The following TENM4 variants were observed in gnomAD, a reference collection of about 807,000 sequenced individuals.
TENM4 encodes the protein teneurin-4.
A neutral mutation model predicts 243.3 loss-of-function variants in TENM4; 82 were observed. That is an observed-to-expected ratio of 0.34 (90% CI 0.28 to 0.40). The LOEUF (loss-of-function observed/expected upper bound fraction) is 0.40, where lower values mean the gene tolerates loss of function less well. Among genes scored for constraint, TENM4 ranks in the 10% least tolerant of loss-of-function variants. The pLI is 1.00. For missense variants in TENM4, 3,138 were observed against 3,673.3 expected, an observed-to-expected ratio of 0.85 and a Z score of 3.77; for synonymous variants, 1,412 against 1,456.3, an observed-to-expected ratio of 0.97 and a Z score of 0.69.
intron 3 of TENM4, among the ~76,000 whole-genome samples, chr11:79,163,837 AT>A (rs1407574104): frequency 6.8e-6 from 1 of 146,486 alleles, no homozygotes; most frequent in East Asian, 2.0e-4. Context: ...GTGTACATAT[AT>A]ATTATATATA....
intron 4 of TENM4, among the ~76,000 whole-genome samples, chr11:79,084,805 T>C (rs1860766020): frequency 6.6e-6 from 1 of 152,086 alleles, no homozygotes; most frequent in Non-Finnish European, 1.5e-5. Context: ...CTGCATATAC[T>C]CACCTACACA....
chr11:78,822,690 AACCTGCAC>A, intron 12 of TENM4, among the ~76,000 whole-genome samples: 1 of 152,308 alleles, frequency 6.6e-6, no homozygotes, highest in East Asian at 1.9e-4. Context: ...CTATGTAACA[AACCTGCAC>A]GTCATGCACA....
intron 12 of TENM4, among the ~76,000 whole-genome samples, chr11:78,815,025 T>TA (rs1857574835): frequency 6.6e-6 from 1 of 152,162 alleles, no homozygotes; most frequent in African/African-American, 2.4e-5. Flanking sequence ...TCACTCTCCT[T>TA]AAAACCCTTC....
At position 79,015,849 on chromosome 11, in the gene TENM4, C is replaced by T. The variant is rs117822995; in HGVS notation, c.493+48889G>A. ...CTCTGTCAGGTATAAATAAGTAGGACGCCTTGAGAGAGGATACCAAGGCAT... is the reference window on the plus strand; with the variant it reads ...CTCTGTCAGGTATAAATAAGTAGGATGCCTTGAGAGAGGATACCAAGGCAT... On this transcript the variant is annotated intron_variant, in intron 6 of 33. Coordinates refer to ENST00000278550, the MANE Select transcript of TENM4 (RefSeq NM_001098816.3). Among the ~76,000 whole-genome samples, 1,221 of 152,252 alleles carry T rather than the reference C, an allele frequency of 8.0e-3. 6 individuals carry two copies. Among genetic ancestry groups the T allele is most frequent in the Non-Finnish European group, 0.012 (845 of 68,020 alleles).
intron 4 of TENM4, chr11:79,096,543 T>C (rs12805956): frequency 0.18 from 21,669 of 119,216 alleles, 1,854 homozygotes; most frequent in Middle Eastern, 0.49. Context: ...ACAGCAGCAA[T>C]TCTCCCCTTC....
At chr11:78,915,215 T>G (rs1471046425) in intron 6 of TENM4, among the ~76,000 whole-genome samples, 1 of 152,228 alleles carries the variant, frequency 6.6e-6, no homozygotes, top group Admixed American at 6.5e-5. Flanking sequence ...TTCACACCTT[T>G]GCCTGGTTAA....
intron 2 of TENM4, among the ~76,000 whole-genome samples, chr11:79,218,656 G>A (rs1189407555): frequency 1.3e-5 from 2 of 152,064 alleles, no homozygotes; most frequent in South Asian, 4.2e-4. Flanking sequence ...CCTTGCCAAG[G>A]CTTCAGGGAA....
chr11:79,428,061 C>G (rs1184356653), intron 1 of TENM4, among the ~76,000 whole-genome samples: 1 of 152,172 alleles, frequency 6.6e-6, no homozygotes, highest in African/African-American at 2.4e-5. Flanking sequence ...GGAAGGAAGA[C>G]CAAGGTCTTA....
intron 25 of TENM4, among the ~76,000 whole-genome samples, chr11:78,715,461 C>G (rs1241379062): frequency 2.0e-5 from 3 of 152,178 alleles, no homozygotes; most frequent in African/African-American, 7.2e-5. Flanking sequence ...GCTCCTGTCT[C>G]CCTGCACTGC....
At chr11:78,717,960 G>A (rs1859559514) in intron 25 of TENM4, among the ~76,000 whole-genome samples, 2 of 152,148 alleles carry the variant, frequency 1.3e-5, no homozygotes, top group African/African-American at 4.8e-5. Context: ...ATGGGTTTCT[G>A]TACTGAGCAT....
chr11:79,149,703 C>G (rs1862464765), intron 3 of TENM4, among the ~76,000 whole-genome samples: 1 of 152,106 alleles, frequency 6.6e-6, no homozygotes, highest in African/African-American at 2.4e-5. Flanking sequence ...TTTATATGTG[C>G]TTAGAAAGAG....
intron 1 of TENM4, among the ~76,000 whole-genome samples, chr11:79,364,726 T>G (rs1857647223): frequency 6.6e-6 from 1 of 152,204 alleles, no homozygotes; most frequent in Non-Finnish European, 1.5e-5. Flanking sequence ...AGGCCCCAAG[T>G]TACACATCTG....
At chr11:78,704,824 T>C (rs1859203216) in intron 27 of TENM4, among the ~76,000 whole-genome samples, 1 of 152,178 alleles carries the variant, frequency 6.6e-6, no homozygotes, top group South Asian at 2.1e-4. Context: ...CCCAATACAT[T>C]ATATACACAC....
At chr11:78,719,432 A>G (rs1859595605) in intron 25 of TENM4, among the ~76,000 whole-genome samples, 1 of 152,204 alleles carries the variant, frequency 6.6e-6, no homozygotes, top group African/African-American at 2.4e-5. Flanking sequence ...AACACATACA[A>G]TTATTACATG....
chr11:78,799,597 ATT>A (rs1857238390), intron 15 of TENM4, among the ~76,000 whole-genome samples: 1 of 152,262 alleles, frequency 6.6e-6, no homozygotes. Context: ...GGCAGGTGTC[ATT>A]AGCCATAGTC....
intron 5 of TENM4, chr11:79,068,260 A>G (rs887729058): frequency 1.3e-5 from 2 of 152,224 alleles, no homozygotes; most frequent in African/African-American, 4.8e-5. Context: ...GTTCTCATCA[A>G]TCCTCACCAC....
intron 2 of TENM4, among the ~76,000 whole-genome samples, chr11:79,256,838 T>G (rs1855708770): frequency 6.6e-6 from 1 of 152,104 alleles, no homozygotes; most frequent in African/African-American, 2.4e-5. Context: ...AGGTGGAAAC[T>G]CAGTTACGTT....
intron 7 of TENM4, among the ~76,000 whole-genome samples, chr11:78,895,490 G>A (rs1855771962): frequency 6.6e-6 from 1 of 152,144 alleles, no homozygotes; most frequent in African/African-American, 2.4e-5. Context: ...GCAAGTCAGT[G>A]GCAGAGCTGA....
intron 4 of TENM4, among the ~76,000 whole-genome samples, chr11:79,090,152 A>C (rs188656021): frequency 2.2e-4 from 34 of 152,332 alleles, no homozygotes; most frequent in African/African-American, 7.2e-4. Context: ...CTCGGACTCT[A>C]CTACAGTGTT....
Sources: gnomAD v4.1 joint callset for allele counts (sites outside exome capture counted in the v4.1 genomes callset) on GRCh38, gnomAD v4.1.1 for gene constraint, MANE v1.5 for transcripts, NCBI Gene and HGNC (gene_info 2026-07-23, HGNC 2026-07-21) for gene names.